Variants in CCDC91 observed in about 807,000 individuals in gnomAD.
The protein encoded by CCDC91 is coiled-coil domain-containing protein 91.
Under a neutral mutation model 63.2 loss-of-function variants are expected in CCDC91, and 48 were observed. The observed-to-expected ratio is 0.76, with a 90% CI of 0.60 to 0.97. The LOEUF is 0.97. Ranked by LOEUF, CCDC91 falls within the 50% of genes least tolerant of loss-of-function variation. The pLI is 0.00. For synonymous variants in CCDC91, 167 were observed against 165.8 expected (o/e 1.01, Z -0.06); for missense variants, 500 against 494.6 (o/e 1.01, Z -0.10).
At chr12:28,242,799 G>C (rs1300672284) in intron 1 of CCDC91, among the ~76,000 whole-genome samples, 1 of 152,088 alleles carries the variant, frequency 6.6e-6, no homozygotes, top group Admixed American at 6.6e-5. Flanking sequence ...AGTTCCTCAC[G>C]AATGGTTTAG....
At chr12:28,409,503 A>G (rs1947182759) in intron 8 of CCDC91, among the ~76,000 whole-genome samples, 1 of 151,958 alleles carries the variant, frequency 6.6e-6, no homozygotes, top group Admixed American at 6.6e-5. Flanking sequence ...AACCTTCTCA[A>G]ATACCAGCGT....
At chr12:28,208,796 T>C (rs1047267022) in intron 1 of CCDC91, among the ~76,000 whole-genome samples, 10 of 152,038 alleles carry the variant, frequency 6.6e-5, no homozygotes, top group Non-Finnish European at 1.5e-4. Flanking sequence ...AATCTTTCAT[T>C]ATTTTATTTT....
At chr12:28,471,061 C>A (rs1290505465) in intron 11 of CCDC91, among the ~76,000 whole-genome samples, 1 of 152,104 alleles carries the variant, frequency 6.6e-6, no homozygotes, top group Non-Finnish European at 1.5e-5. Flanking sequence ...AATCCTAATA[C>A]TATGTTACTA....
In CCDC91 at chr12:28,306,944, A is replaced by G; in HGVS notation, c.470A>G (p.Gln157Arg). 1.3e-6 allele frequency: 2 copies of G among 1,569,088 alleles called. No individual in the cohort carries two copies. The highest frequency in any genetic ancestry group is 1.1e-5 in the South Asian group (1 of 88,084). The change falls in exon 5 of 13, where the codon CAG becomes CGG. Residue 157 changes from glutamine (Q) to arginine (R), a missense_variant and splice_region_variant. Coordinates refer to ENST00000536442, the MANE Select transcript of CCDC91 (RefSeq NM_018318.5). ...VSEEEKQRIKQDVESLMEKHN... is the reference protein window; with the variant it reads ...VSEEEKQRIKRDVESLMEKHN... ...GAAGAAGAAAAACAGAGAATTAAAC[A>G]GGTATATTTACATTTGCCTAAGAAA...
chr12:28,435,938 T>A (rs1489173923), intron 8 of CCDC91, among the ~76,000 whole-genome samples: 1 of 151,856 alleles, frequency 6.6e-6, no homozygotes, highest in Non-Finnish European at 1.5e-5. Context: ...TCTTTTAGTG[T>A]TAACATAGTA....
chr12:28,433,098 C>T (rs1948718972), intron 8 of CCDC91, among the ~76,000 whole-genome samples: 2 of 151,786 alleles, frequency 1.3e-5, no homozygotes, highest in Non-Finnish European at 2.9e-5. Context: ...GAGTTTTCTG[C>T]ATGCTTTGGA....
chr12:28,211,452 A>G (rs563670519), intron 1 of CCDC91, among the ~76,000 whole-genome samples: 1 of 152,278 alleles, frequency 6.6e-6, no homozygotes, highest in East Asian at 1.9e-4. Context: ...GCAGGTTTCA[A>G]AATTGCCCCC....
chr12:28,542,598 C>T (rs531538067), intron 12 of CCDC91, among the ~76,000 whole-genome samples: 71 of 152,152 alleles, frequency 4.7e-4, no homozygotes, highest in South Asian at 2.5e-3. Flanking sequence ...AGGCACCCAG[C>T]ACTGCGTTAG....
rs1190820466 is a variant in CCDC91 at position 28,313,711 on chromosome 12, A to G, written c.576+5962A>G. The stretch of plus-strand genomic sequence containing the variant: ...TAAATACTGTGAACTCTATAGTACA[A>G]TGGGGGTGTGTGCTATGTCCCCTTT... On this transcript the variant is annotated intron_variant, in intron 6 of 12. Coordinates refer to ENST00000536442, the MANE Select transcript of CCDC91 (RefSeq NM_018318.5). Among the ~76,000 whole-genome samples the G allele has an allele frequency of 3.3e-5, 5 of 152,154 alleles. No homozygotes were observed. The East Asian group carries it at 9.7e-4, about 29-fold the overall frequency.
chr12:28,195,629 T>TTTG (rs1941703291), intron 1 of CCDC91, among the ~76,000 whole-genome samples: 1 of 152,186 alleles, frequency 6.6e-6, no homozygotes, highest in Non-Finnish European at 1.5e-5. Context: ...GTCCTCCAAC[T>TTTG]TTGTTGTTGT....
chr12:28,427,020 C>T (rs1010152870), intron 8 of CCDC91, among the ~76,000 whole-genome samples: 2 of 152,118 alleles, frequency 1.3e-5, no homozygotes, highest in African/African-American at 4.8e-5. Flanking sequence ...TTTGTCTCCC[C>T]TATTGTCTTT....
chr12:28,534,304 G>T (rs1438024054), intron 12 of CCDC91, among the ~76,000 whole-genome samples: 1 of 152,158 alleles, frequency 6.6e-6, no homozygotes, highest in African/African-American at 2.4e-5. Context: ...TGAAATGAAG[G>T]AAGGAATTCT....
intron 3 of CCDC91, among the ~76,000 whole-genome samples, chr12:28,264,581 C>G (rs376593452): frequency 4.3e-4 from 13 of 29,988 alleles, no homozygotes; most frequent in South Asian, 2.5e-3. Flanking sequence ...ATATATATGT[C>G]TGTCTGTGTG....
At chr12:28,431,530 C>T (rs1948625227) in intron 8 of CCDC91, among the ~76,000 whole-genome samples, 1 of 152,000 alleles carries the variant, frequency 6.6e-6, no homozygotes, top group Non-Finnish European at 1.5e-5. Context: ...TTACAGTTTT[C>T]CTAATACCTA....
chr12:28,254,350 G>A (rs148000838), intron 1 of CCDC91, among the ~76,000 whole-genome samples: 22 of 152,282 alleles, frequency 1.4e-4, no homozygotes, highest in African/African-American at 5.3e-4. Context: ...TAACTTAGAT[G>A]TCAGATATAT....
chr12:28,413,738 A>C (rs1449916770), intron 8 of CCDC91, among the ~76,000 whole-genome samples: 1 of 152,228 alleles, frequency 6.6e-6, no homozygotes, highest in East Asian at 1.9e-4. Flanking sequence ...AGTTCATAAA[A>C]GCATGCTTTT....
intron 8 of CCDC91, among the ~76,000 whole-genome samples, chr12:28,393,485 A>G (rs571344439): frequency 6.6e-6 from 1 of 150,656 alleles, no homozygotes; most frequent in East Asian, 2.0e-4. Flanking sequence ...TGTCTCTCCT[A>G]TTTTATTGCA....
At chr12:28,283,501 C>A (rs1241552137) in intron 3 of CCDC91, among the ~76,000 whole-genome samples, 1 of 151,640 alleles carries the variant, frequency 6.6e-6, no homozygotes. Flanking sequence ...TGATTTGATT[C>A]TTAGCTTGGT....
intron 6 of CCDC91, among the ~76,000 whole-genome samples, chr12:28,334,236 G>A (rs2137762721): frequency 6.6e-6 from 1 of 152,148 alleles, no homozygotes; most frequent in East Asian, 1.9e-4. Flanking sequence ...TTGCAGATAT[G>A]GATATCTGGT....
Sources: gnomAD v4.1 joint callset for allele counts (sites outside exome capture counted in the v4.1 genomes callset) on GRCh38, gnomAD v4.1.1 for gene constraint, MANE v1.5 for transcripts, NCBI Gene and HGNC (gene_info 2026-07-23, HGNC 2026-07-21) for gene names.